Variants in DGKG observed in about 807,000 individuals in gnomAD.
DGKG encodes diacylglycerol kinase gamma, also known as DAG kinase gamma.
Under a neutral mutation model 105.3 loss-of-function variants are expected in DGKG, and 78 were observed. The observed-to-expected ratio is 0.74, with a 90% CI of 0.62 to 0.89. The LOEUF (loss-of-function observed/expected upper bound fraction) is 0.89, where lower values mean the gene tolerates loss of function less well. DGKG is among the 40% of genes least tolerant of loss of function. The probability of loss-of-function intolerance (pLI) is 0.00; values close to 1 mark genes in which losing one functional copy is unlikely to be tolerated. For missense variants in DGKG, 958 were observed against 1,020.1 expected (o/e 0.94, Z 0.83); for synonymous variants, 346 against 367.1 (o/e 0.94, Z 0.66).
intron 20 of DGKG, among the ~76,000 whole-genome samples, chr3:186,222,653 G>A (rs1358515193): frequency 2.6e-5 from 4 of 151,824 alleles, no homozygotes; most frequent in Non-Finnish European, 5.9e-5. Flanking sequence ...GACCAGCCTG[G>A]CCAACATGGT....
intron 20 of DGKG, among the ~76,000 whole-genome samples, chr3:186,218,300 C>T (rs369102304): frequency 2.6e-5 from 4 of 151,780 alleles, no homozygotes; most frequent in Non-Finnish European, 5.9e-5. Context: ...GTCAGGAGAT[C>T]GAGACCATCC....
chr3:186,223,795 C>G (rs1331048875), intron 20 of DGKG, among the ~76,000 whole-genome samples: 1 of 152,182 alleles, frequency 6.6e-6, no homozygotes, highest in Non-Finnish European at 1.5e-5. Flanking sequence ...TCCCTGCCAC[C>G]CATTTCAGAG....
chr3:186,203,622 A>T lies in DGKG; in HGVS notation c.1917+8173T>A, dbSNP rs1718580801. ...GTCTCACAGTGAAGGTGATGCTGGA[A>T]TGAGGGAGCTGCTGGACTGGATTGA... On this transcript the variant is annotated intron_variant, in intron 21 of 24. Transcript: ENST00000265022. This position sits in a 1 kb window ranked among gnomAD's most constrained non-coding sequence, Gnocchi z 4.9. Among the ~76,000 whole-genome samples the T allele has an allele frequency of 1.3e-5, 2 of 152,198 alleles. No individual in the cohort carries two copies. The highest frequency in any genetic ancestry group is 4.8e-5 in the African/African-American group (2 of 41,454).
intron 19 of DGKG, among the ~76,000 whole-genome samples, chr3:186,246,406 C>T (rs1720941642): frequency 6.6e-6 from 1 of 152,138 alleles, no homozygotes; most frequent in Non-Finnish European, 1.5e-5. Flanking sequence ...TTTATACTTA[C>T]AGCTCACTCA....
chr3:186,175,727 C>CA (rs1366495420), intron 22 of DGKG, among the ~76,000 whole-genome samples: 2 of 152,098 alleles, frequency 1.3e-5, no homozygotes, highest in Non-Finnish European at 2.9e-5. Context: ...AGGACAGAAG[C>CA]AAGAATCGAC....
At chr3:186,320,758 GC>G (rs951278396) in intron 1 of DGKG, 51 bp from the exon 2 acceptor site, 35 of 308,880 alleles carry the variant, frequency 1.1e-4, no homozygotes, top group Admixed American at 3.8e-4. Context: ...AAAAAAAAAG[GC>G]CCCAAATGTT....
chr3:186,206,968 C>A (rs778220592), intron 21 of DGKG, among the ~76,000 whole-genome samples: 2 of 152,034 alleles, frequency 1.3e-5, no homozygotes, highest in Admixed American at 1.3e-4. Flanking sequence ...AGGCTGGTCT[C>A]GAACTCCTGA....
rs1719880242 is a variant in DGKG at position 186,226,797 on chromosome 3, G to A, written c.1827-14912C>T. ...ATAGAAAACATCTTGTTACTAGAGA[G>A]TGAAGAATTTCAATCTAAGTGTAGG... is the stretch of plus-strand genomic sequence containing the variant. On this transcript the variant is annotated intron_variant, in intron 20 of 24. Coordinates refer to ENST00000265022, the MANE Select transcript of DGKG (RefSeq NM_001346.3). The surrounding 1 kb of genome is among the most constrained non-coding windows in gnomAD (Gnocchi z 4.2). Among the ~76,000 whole-genome samples the A allele has an allele frequency of 6.6e-6, 1 of 152,192 alleles. No homozygotes were observed. Among genetic ancestry groups the A allele is most frequent in the Admixed American group, 6.5e-5 (1 of 15,288 alleles).
chr3:186,310,265 C>CAAAAAAAAAAAAAAAAAAAAAAA (rs1165723037), intron 2 of DGKG, among the ~76,000 whole-genome samples: 2 of 33,290 alleles, frequency 6.0e-5, no homozygotes, highest in African/African-American at 1.8e-4. Flanking sequence ...GACTCCGTCT[C>CAAAAAAAAAAAAAAAAAAAAAAA]AAAAAAAAAA....
chr3:186,317,017 C>T lies in DGKG; in HGVS notation c.67+3376G>A, dbSNP rs192433520. ...TAGCAGAGTGCCTCATCCAGTCCCG[C>T]GACATGGACAACACGAGCAAGGGTC... is the stretch of plus-strand genomic sequence containing the variant. On this transcript the variant is annotated intron_variant, in intron 2 of 24. Transcript: ENST00000265022. Among the ~76,000 whole-genome samples the T allele has an allele frequency of 9.1e-4, 138 of 152,286 alleles. 1 individual carries two copies. Among genetic ancestry groups the T allele is most frequent in the African/African-American group, 2.9e-3 (120 of 41,548 alleles).
At chr3:186,194,757 AGTTATT>A (rs1718089573) in intron 21 of DGKG, among the ~76,000 whole-genome samples, 1 of 132,996 alleles carries the variant, frequency 7.5e-6, no homozygotes, top group African/African-American at 2.8e-5. Flanking sequence ...CCTGTCACTG[AGTTATT>A]GTCCCTCCCA....
chr3:186,259,094 T>C (rs968184886), intron 16 of DGKG, among the ~76,000 whole-genome samples: 1 of 152,074 alleles, frequency 6.6e-6, no homozygotes, highest in Non-Finnish European at 1.5e-5. Context: ...TGCAGAACTC[T>C]GCTCTCCGAC....
At chr3:186,269,425 G>T (rs374536293) in intron 11 of DGKG, among the ~76,000 whole-genome samples, 17 of 152,316 alleles carry the variant, frequency 1.1e-4, no homozygotes, top group African/African-American at 3.8e-4. Context: ...TCCCACCTCT[G>T]GGGTTACTGG....
chr3:186,275,403 G>A (rs1279033805), intron 10 of DGKG, 144 bp downstream of exon 10: 7 of 706,806 alleles, frequency 9.9e-6, no homozygotes, highest in South Asian at 7.3e-5. Flanking sequence ...TGAAGGCCTC[G>A]CTTTATTCCT....
chr3:186,158,608 G>T, intron 24 of DGKG: 1 of 916,774 alleles, frequency 1.1e-6, no homozygotes. Context: ...AAATATGAAT[G>T]CCTGAACAAA....
intron 9 of DGKG, 115 bp from the exon 10 acceptor site, chr3:186,275,779 T>C (rs1578763718): frequency 3.1e-6 from 2 of 648,132 alleles, no homozygotes; most frequent in Admixed American, 3.6e-5. Context: ...GAGTTATTGA[T>C]ATTTTTTACT....
In DGKG at chr3:186,280,689, T is replaced by C. The variant is rs1722791098; in HGVS notation, c.650A>G (p.Asp217Gly). 6.2e-7 allele frequency: 1 copy of C among 1,613,950 alleles called. No homozygotes were observed. The highest frequency in any genetic ancestry group is 1.3e-5 in the African/African-American group (1 of 74,918). ...ACTCACAGGCCTCAGCTCTGTGGGA[T>C]CCCACTCCAGGTACTGGGCAATATG... ...MLHIAQYLEW[D>G]PTELRPILKE... The change falls in exon 8 of 25, where the codon GAT becomes GGT. Residue 217 changes from aspartate (D) to glycine (G), a missense_variant. Physicochemically the swap from Asp to Gly is moderately conservative, Grantham distance 94 (BLOSUM62 -1). Coordinates refer to ENST00000265022, the MANE Select transcript of DGKG (RefSeq NM_001346.3).
intron 1 of DGKG, among the ~76,000 whole-genome samples, chr3:186,331,346 A>C (rs114760907): frequency 0.021 from 3,191 of 152,312 alleles, 65 homozygotes; most frequent in Non-Finnish European, 0.026. Flanking sequence ...AACTGAATTA[A>C]AGCCCTTGGG....
chr3:186,233,218 C>T (rs939140123), intron 20 of DGKG, among the ~76,000 whole-genome samples: 1 of 152,076 alleles, frequency 6.6e-6, no homozygotes, highest in Non-Finnish European at 1.5e-5. Flanking sequence ...TCAGCGTTCT[C>T]ATAAGTGGAA....
Sources: allele counts gnomAD v4.1 joint callset (sites outside exome capture counted in the v4.1 genomes callset), GRCh38; gene constraint gnomAD v4.1.1; non-coding constraint Gnocchi (gnomAD v3.1); transcripts MANE v1.5; gene names NCBI Gene and HGNC (gene_info 2026-07-23, HGNC 2026-07-21).